GSAP: variants seen among roughly 807,000 people sequenced by gnomAD.
GSAP encodes the protein gamma-secretase activating protein.
GSAP carries 118 observed loss-of-function variants against 131.7 expected under a neutral mutation model. The observed-to-expected ratio is 0.90, with a 90% CI of 0.77 to 1.04. GSAP has a LOEUF of 1.04. Among genes scored for constraint, GSAP ranks in the 50% least tolerant of loss-of-function variants. GSAP has a pLI of 0.00. For missense variants in GSAP, 1,019 were observed against 1,013.2 expected (o/e 1.01, Z -0.08); for synonymous variants, 381 against 363.4 (o/e 1.05, Z -0.55).
chr7:77,364,953 T>G (rs1319718095), intron 12 of GSAP, among the ~76,000 whole-genome samples: 1 of 152,122 alleles, frequency 6.6e-6, no homozygotes, highest in Non-Finnish European at 1.5e-5. Flanking sequence ...AAAATGTGGA[T>G]AATATGACTG....
chr7:77,354,296 A>T (rs984608114), intron 16 of GSAP, among the ~76,000 whole-genome samples: 17 of 152,232 alleles, frequency 1.1e-4, no homozygotes, highest in African/African-American at 3.6e-4. Flanking sequence ...AAATTAGGTA[A>T]TACGATATTA....
chr7:77,319,688 T>C (rs1317422598), intron 26 of GSAP, among the ~76,000 whole-genome samples: 1 of 152,220 alleles, frequency 6.6e-6, no homozygotes, highest in East Asian at 1.9e-4. Flanking sequence ...GAATTTACAA[T>C]GGAGTATTAC....
intron 1 of GSAP, among the ~76,000 whole-genome samples, chr7:77,408,239 CTT>C (rs1419035720): frequency 2.0e-5 from 3 of 152,168 alleles, no homozygotes; most frequent in South Asian, 2.1e-4. Context: ...TATACAGACT[CTT>C]TACACAAAAC....
chr7:77,318,283 G>A (rs183849021), intron 26 of GSAP, among the ~76,000 whole-genome samples: 3 of 152,162 alleles, frequency 2.0e-5, no homozygotes, highest in Non-Finnish European at 2.9e-5. Context: ...ATTTTTGTTG[G>A]CCAAAAAATG....
intron 26 of GSAP, among the ~76,000 whole-genome samples, chr7:77,318,374 TG>T (rs1787156273): frequency 6.6e-6 from 1 of 152,234 alleles, no homozygotes; most frequent in Admixed American, 6.5e-5. Context: ...TACTAATTTG[TG>T]TGTACTTTCA....
intron 7 of GSAP, 76 bp downstream of exon 7, chr7:77,382,498 G>C: frequency 1.3e-6 from 1 of 767,278 alleles, no homozygotes; most frequent in East Asian, 2.5e-5. Flanking sequence ...ATATCTAGAA[G>C]ATTCAATCAT....
chr7:77,364,622 T>C (rs1043449689), intron 12 of GSAP, among the ~76,000 whole-genome samples: 1 of 151,888 alleles, frequency 6.6e-6, no homozygotes, highest in African/African-American at 2.4e-5. Context: ...TTTATACACA[T>C]GTAACTAACC....
intron 18 of GSAP, chr7:77,351,064 A>G (rs999437245): frequency 1.4e-5 from 13 of 908,068 alleles, no homozygotes; most frequent in Non-Finnish European, 1.7e-5. Flanking sequence ...AATTTAAATG[A>G]CCGAGATTTT....
chr7:77,318,088 C>G (rs1314392698), intron 26 of GSAP, among the ~76,000 whole-genome samples: 2 of 152,208 alleles, frequency 1.3e-5, no homozygotes, highest in Admixed American at 6.5e-5. Flanking sequence ...TCAACATCAA[C>G]TAATTCAACT....
intron 19 of GSAP, among the ~76,000 whole-genome samples, chr7:77,333,319 A>C (rs1170854404): frequency 6.6e-6 from 1 of 152,210 alleles, no homozygotes; most frequent in African/African-American, 2.4e-5. Context: ...GCAAAGACAC[A>C]GACTAGAAGA....
chr7:77,400,668 T>G (rs1801165709), intron 3 of GSAP, among the ~76,000 whole-genome samples: 1 of 152,168 alleles, frequency 6.6e-6, no homozygotes, highest in Non-Finnish European at 1.5e-5. Flanking sequence ...AGTTTCATAA[T>G]GCAGTACTCG....
At chr7:77,365,754 T>C (rs190601721) in intron 12 of GSAP, among the ~76,000 whole-genome samples, 3 of 152,248 alleles carry the variant, frequency 2.0e-5, no homozygotes, top group African/African-American at 7.2e-5. Flanking sequence ...TACCCAGTAA[T>C]CAGATTGCTG....
chr7:77,334,210 T>C (rs1446913576), intron 19 of GSAP, among the ~76,000 whole-genome samples: 3 of 152,130 alleles, frequency 2.0e-5, no homozygotes, highest in African/African-American at 7.2e-5. Context: ...CAAGAAAATG[T>C]GGTACATATA....
chr7:77,382,786 C>T, intron 6 of GSAP, 143 bp from the exon 7 acceptor site: 1 of 549,392 alleles, frequency 1.8e-6, no homozygotes, highest in Middle Eastern at 5.0e-4. Flanking sequence ...CACCTGCACA[C>T]ACACATTGCA....
chr7:77,322,221 TAA>T (rs1787746226), intron 24 of GSAP, among the ~76,000 whole-genome samples: 1 of 152,218 alleles, frequency 6.6e-6, no homozygotes, highest in Non-Finnish European at 1.5e-5. Flanking sequence ...GTAACCAATA[TAA>T]TCAGGTTCTG....
intron 12 of GSAP, among the ~76,000 whole-genome samples, chr7:77,371,093 C>A (rs1796050297): frequency 6.6e-6 from 1 of 151,818 alleles, no homozygotes; most frequent in African/African-American, 2.4e-5. Flanking sequence ...CAGATTTATT[C>A]ATTGCCAGTC....
At chr7:77,351,755 T>C in intron 18 of GSAP, 2 of 984,188 alleles carry the variant, frequency 2.0e-6, no homozygotes, top group Non-Finnish European at 2.4e-6. Flanking sequence ...CCAATTAACA[T>C]GTGGCTCAGT....
intron 14 of GSAP, among the ~76,000 whole-genome samples, chr7:77,359,859 A>T (rs1794285176): frequency 6.6e-6 from 1 of 152,246 alleles, no homozygotes; most frequent in Non-Finnish European, 1.5e-5. Flanking sequence ...ATTGCTGATA[A>T]GAATCAAGTC....
intron 26 of GSAP, 25 bp downstream of exon 26, chr7:77,320,700 A>G (rs984617233): frequency 2.3e-6 from 3 of 1,320,524 alleles, no homozygotes; most frequent in East Asian, 2.3e-5. Context: ...TTATTATACC[A>G]AAGGACAAAA....
Sources: allele counts gnomAD v4.1 joint callset (sites outside exome capture counted in the v4.1 genomes callset), GRCh38; gene constraint gnomAD v4.1.1; transcripts MANE v1.5; gene names NCBI Gene and HGNC (gene_info 2026-07-23, HGNC 2026-07-21).